The following PCDHGA11 variants were observed in gnomAD, a reference collection of about 807,000 sequenced individuals.
The protein encoded by PCDHGA11 is protocadherin gamma subfamily A, 11, also known as protocadherin gamma-A11.
Under a neutral mutation model 60.4 loss-of-function variants are expected in PCDHGA11, and 39 were observed. The ratio of observed to expected loss-of-function variants is 0.65; its 90% CI spans 0.50 to 0.84. PCDHGA11 has a LOEUF of 0.84. Ranked by LOEUF, PCDHGA11 falls within the 40% of genes least tolerant of loss-of-function variation. The pLI is 0.00. For synonymous variants in PCDHGA11, 533 were observed against 510.3 expected (o/e 1.04, Z -0.60); for missense variants, 1,165 against 1,197.7 (o/e 0.97, Z 0.40).
At chr5:141,498,803 C>T (rs916966107) in intron 2 of PCDHGA11, among the ~76,000 whole-genome samples, 5 of 151,982 alleles carry the variant, frequency 3.3e-5, no homozygotes, top group African/African-American at 1.2e-4. Flanking sequence ...TGTGGTGGTG[C>T]ACACCTGTAG....
chr5:141,432,374 C>A lies in PCDHGA11; in HGVS notation c.2433+8714C>A. 2.5e-6 allele frequency: 4 copies of A among 1,614,240 alleles called. No individual in the cohort carries two copies. Among genetic ancestry groups the A allele is most frequent in the Non-Finnish European group, 3.4e-6 (4 of 1,180,042 alleles). On this transcript the variant is annotated intron_variant, in intron 1 of 3. Coordinates refer to ENST00000398587, the MANE Select transcript of PCDHGA11 (RefSeq NM_018914.3). This position sits in a 1 kb window ranked among gnomAD's most constrained non-coding sequence, Gnocchi z 6.0. ...GAAAGTGATGGCGCGGGACAACGGG[C>A]ACCCGCCCCTCAGCAGCAACGTGTC...
chr5:141,482,086 T>C (rs1435200188), intron 1 of PCDHGA11, among the ~76,000 whole-genome samples: 6 of 93,070 alleles, frequency 6.4e-5, no homozygotes, highest in African/African-American at 3.7e-4. Flanking sequence ...ACTCACTCCA[T>C]CTCAAAAAAA....
chr5:141,478,372 G>A (rs778468803), intron 1 of PCDHGA11: 2 of 1,613,704 alleles, frequency 1.2e-6, no homozygotes, highest in Non-Finnish European at 8.5e-7. Flanking sequence ...GAGGCCTGAT[G>A]TCGCCGCACC....
Position 141,431,451 on chromosome 5 carries a change from T to C in PCDHGA11, c.2433+7791T>C. On this transcript the variant is annotated intron_variant, in intron 1 of 3. Transcript: ENST00000398587. The surrounding 1 kb of genome is among the most constrained non-coding windows in gnomAD (Gnocchi z 4.8). ...ACAGGCACCGCGCGCATCCGCGTGA[T>C]GGTTCTGGATGCGAACGACAACGCA... The C allele has an allele frequency of 6.2e-7, 1 of 1,613,762 alleles. No individual in the cohort carries two copies. Among genetic ancestry groups the C allele is most frequent in the African/African-American group, 1.3e-5 (1 of 75,072 alleles).
chr5:141,489,126 T>A lies in PCDHGA11; in HGVS notation c.2434-5681T>A. ...TGCAAGCAGGCAAACCTCCGAGCAGTTTTTAAGAGGCTGGAAGGAGACATA... is the reference window on the plus strand; with the variant it reads ...TGCAAGCAGGCAAACCTCCGAGCAGATTTTAAGAGGCTGGAAGGAGACATA... On this transcript the variant is annotated intron_variant, in intron 1 of 3. Transcript: ENST00000398587. This position sits in a 1 kb window ranked among gnomAD's most constrained non-coding sequence, Gnocchi z 4.5. 1.7e-6 allele frequency: 1 copy of A among 585,136 alleles called. No individual in the cohort carries two copies. Among genetic ancestry groups the A allele is most frequent in the Non-Finnish European group, 2.7e-6 (1 of 375,012 alleles). The allele number at this position is 585,136 out of a possible 1,614,324, so 36.2% of individuals were successfully genotyped here.
At position 141,423,201 on chromosome 5, in the gene PCDHGA11, C is replaced by T. The variant is rs749613139; in HGVS notation, c.1974C>T (p.Thr658=). 24 of 1,613,628 alleles carry T rather than the reference C, an allele frequency of 1.5e-5. No homozygotes were observed. The South Asian group carries it at 1.5e-4, about 10-fold the overall frequency. The part of the protein sequence containing the change: ...QDHGQPPLSA[T]VTLTVAVADS... ...ACGGCCAGCCCCCTCTCTCGGCCAC[C>T]GTCACGCTCACCGTGGCTGTGGCCG... The change falls in exon 1 of 4, where the codon ACC becomes ACT. Residue 658 remains threonine, a synonymous_variant. Coordinates refer to ENST00000398587, the MANE Select transcript of PCDHGA11 (RefSeq NM_018914.3).
In PCDHGA11 at chr5:141,511,028, T is replaced by G. The variant is rs1279056657; in HGVS notation, c.2663T>G (p.Leu888Arg). The G allele has an allele frequency of 3.7e-6, 6 of 1,614,084 alleles. No individual in the cohort carries two copies. The highest frequency in any genetic ancestry group is 1.7e-5 in the Admixed American group (1 of 60,004). ...LSARYGPQFT[L>R]QHVPDYRQNV... is the part of the protein sequence containing the mutation. The stretch of plus-strand genomic sequence containing the variant: ...GCCCGCTACGGACCCCAGTTCACCC[T>G]GCAGCACGTGCCCGACTACCGCCAG... Residue 888 changes from leucine to arginine, a missense_variant, in exon 4 of 4, where the codon CTG becomes CGG. Physicochemically the swap from Leu to Arg is moderately radical, Grantham distance 102. Transcript: ENST00000398587.
chr5:141,481,736 G>A (rs569415213), intron 1 of PCDHGA11, among the ~76,000 whole-genome samples: 23 of 151,934 alleles, frequency 1.5e-4, no homozygotes, highest in African/African-American at 4.3e-4. Flanking sequence ...GGCGGATCAC[G>A]AGGTCAGGAG....
intron 1 of PCDHGA11, among the ~76,000 whole-genome samples, chr5:141,443,070 T>C (rs983773796): frequency 6.6e-6 from 1 of 152,244 alleles, no homozygotes; most frequent in African/African-American, 2.4e-5. Flanking sequence ...GAGCGTCTTA[T>C]GACTGAGTGT....
At position 141,487,937 on chromosome 5, in the gene PCDHGA11, T is replaced by G; in HGVS notation, c.2434-6870T>G. 2 of 603,606 alleles carry G rather than the reference T, an allele frequency of 3.3e-6. No homozygotes were observed. The highest frequency in any genetic ancestry group is 2.9e-6 in the Non-Finnish European group (1 of 345,124). 37.4% of individuals were successfully genotyped at this position (603,606 alleles called of 1,614,324 possible). ...GGAGGCTACAGTGCACAGGGTACAG[T>G]GCACCAGGCAGTCACTTGGACAAAG... On this transcript the variant is annotated intron_variant, in intron 1 of 3. Transcript: ENST00000398587. The surrounding 1 kb of genome is among the most constrained non-coding windows in gnomAD (Gnocchi z 5.0).
chr5:141,431,127 T>C lies in PCDHGA11; in HGVS notation c.2433+7467T>C, dbSNP rs1455709617. ...AAAATATATGGAGTAGAAGTAGAAG[T>C]AAGGGACATTAACGACAATGCGCCT... On this transcript the variant is annotated intron_variant, in intron 1 of 3. Transcript: ENST00000398587. This position sits in a 1 kb window ranked among gnomAD's most constrained non-coding sequence, Gnocchi z 4.8. 1 of 1,614,176 alleles carries C rather than the reference T, an allele frequency of 6.2e-7. No individual in the cohort carries two copies. Among genetic ancestry groups the C allele is most frequent in the East Asian group, 2.2e-5 (1 of 44,878 alleles).
In PCDHGA11 at chr5:141,489,523, C is replaced by CT. The variant is rs1379784656; in HGVS notation, c.2434-5283dup. On this transcript the variant is annotated intron_variant, in intron 1 of 3. Coordinates refer to ENST00000398587, the MANE Select transcript of PCDHGA11 (RefSeq NM_018914.3). The surrounding 1 kb of genome is among the most constrained non-coding windows in gnomAD (Gnocchi z 4.5). ...GAATCAAAAGATTGACCGAGAAAGC[C>CT]TATGTGGAGCCAGCACCAGCTGCCT... 1 of 1,614,006 alleles carries CT rather than the reference C, an allele frequency of 6.2e-7. No homozygotes were observed. Among genetic ancestry groups the CT allele is most frequent in the Non-Finnish European group, 8.5e-7 (1 of 1,180,044 alleles).
intron 1 of PCDHGA11, among the ~76,000 whole-genome samples, chr5:141,462,105 G>A (rs2099031983): frequency 6.6e-6 from 1 of 152,170 alleles, no homozygotes; most frequent in South Asian, 2.1e-4. Flanking sequence ...TTACAGGCAT[G>A]AGCCACTGCA....
chr5:141,428,679 TGGATGA>T (rs1231732563), intron 1 of PCDHGA11: 1 of 163,254 alleles, frequency 6.1e-6, no homozygotes, highest in Non-Finnish European at 1.3e-5. Flanking sequence ...CATTTACAAA[TGGATGA>T]GGTTTAATTT....
chr5:141,489,254 C>T lies in PCDHGA11; in HGVS notation c.2434-5553C>T, dbSNP rs2099684538. 2 of 1,548,628 alleles carry T rather than the reference C, an allele frequency of 1.3e-6. No homozygotes were observed. Among genetic ancestry groups the T allele is most frequent in the African/African-American group, 1.4e-5 (1 of 73,008 alleles). ...GACTTCTGGGTCATGGGGCCCAAGA[C>T]ACTCCCACAGCTCGCTGGGAAATGG... is the stretch of plus-strand genomic sequence containing the variant. On this transcript the variant is annotated intron_variant, in intron 1 of 3. Transcript: ENST00000398587. This position sits in a 1 kb window ranked among gnomAD's most constrained non-coding sequence, Gnocchi z 4.5.
Position 141,489,595 on chromosome 5 carries a change from G to A in PCDHGA11, c.2434-5212G>A. The A allele has an allele frequency of 1.2e-6, 2 of 1,614,132 alleles. No individual in the cohort carries two copies. Among genetic ancestry groups the A allele is most frequent in the Non-Finnish European group, 1.7e-6 (2 of 1,180,004 alleles). On this transcript the variant is annotated intron_variant, in intron 1 of 3. Coordinates refer to ENST00000398587, the MANE Select transcript of PCDHGA11 (RefSeq NM_018914.3). The surrounding 1 kb of genome is among the most constrained non-coding windows in gnomAD (Gnocchi z 4.5). Reference sequence around the variant, plus strand: ...TGAACACCCCCTGGAGCTAATCCGTGTAGAGGTAGAGATCCTGGATCTCAA... The same window carrying A: ...TGAACACCCCCTGGAGCTAATCCGTATAGAGGTAGAGATCCTGGATCTCAA...
At chr5:141,452,895 A>G (rs527695680) in intron 1 of PCDHGA11, among the ~76,000 whole-genome samples, 16 of 152,312 alleles carry the variant, frequency 1.1e-4, no homozygotes, top group African/African-American at 3.6e-4. Flanking sequence ...TTCCACTTTT[A>G]TTAGTTGGCA....
chr5:141,449,693 G>A (rs2098652097), intron 1 of PCDHGA11, among the ~76,000 whole-genome samples: 1 of 150,164 alleles, frequency 6.7e-6, no homozygotes, highest in South Asian at 2.1e-4. Flanking sequence ...TTGTGTGTAT[G>A]TACACAAACA....
rs758139838 is a variant in PCDHGA11, at chr5:141,431,419, G to C, written c.2433+7759G>C. The C allele has an allele frequency of 1.5e-5, 25 of 1,613,700 alleles. No individual in the cohort carries two copies. The highest frequency in any genetic ancestry group is 2.0e-5 in the Non-Finnish European group (24 of 1,180,046). On this transcript the variant is annotated intron_variant, in intron 1 of 3. Coordinates refer to ENST00000398587, the MANE Select transcript of PCDHGA11 (RefSeq NM_018914.3). This position sits in a 1 kb window ranked among gnomAD's most constrained non-coding sequence, Gnocchi z 4.8. ...TTACGGCCTCCGACGGGGGCGACCC[G>C]GTGCGCACAGGCACCGCGCGCATCC... is the stretch of plus-strand genomic sequence containing the variant.
Sources: gnomAD v4.1 joint callset for allele counts (sites outside exome capture counted in the v4.1 genomes callset) on GRCh38, gnomAD v4.1.1 for gene constraint, Gnocchi (gnomAD v3.1) non-coding constraint, MANE v1.5 for transcripts, NCBI Gene and HGNC (gene_info 2026-07-23, HGNC 2026-07-21) for gene names.